The following EYS variants were observed in gnomAD, a reference collection of about 807,000 sequenced individuals.
EYS encodes the protein EGF-like photoreceptor maintenance factor.
A neutral mutation model predicts 282.1 loss-of-function variants in EYS; 250 were observed. The observed-to-expected ratio is 0.89, with a 90% CI of 0.80 to 0.98. The LOEUF (loss-of-function observed/expected upper bound fraction) is 0.98, where lower values mean the gene tolerates loss of function less well. Among genes scored for constraint, EYS ranks in the 50% least tolerant of loss-of-function variants. The probability of loss-of-function intolerance (pLI) is 0.00; values close to 1 mark genes in which losing one functional copy is unlikely to be tolerated. For synonymous variants in EYS, 1,355 were observed against 1,282.9 expected (o/e 1.06, Z -1.20); for missense variants, 4,016 against 3,709.0 (o/e 1.08, Z -2.15).
chr6:64,836,653 G>A (rs1288801116), intron 19 of EYS, among the ~76,000 whole-genome samples: 5 of 151,410 alleles, frequency 3.3e-5, no homozygotes, highest in East Asian at 1.9e-4. Flanking sequence ...ATCCAGTAGC[G>A]ATGAACATGC....
chr6:65,530,490 T>G (rs994817554), intron 2 of EYS, among the ~76,000 whole-genome samples: 1 of 152,166 alleles, frequency 6.6e-6, no homozygotes, highest in African/African-American at 2.4e-5. Flanking sequence ...GTCTAAAATA[T>G]CTATCTAGAC....
chr6:64,867,412 G>A (rs1404070399), intron 19 of EYS, among the ~76,000 whole-genome samples: 1 of 151,622 alleles, frequency 6.6e-6, no homozygotes, highest in Non-Finnish European at 1.5e-5. Context: ...AATGACAAAT[G>A]CCTTCAAATT....
chr6:63,752,343 GC>G (rs1769357747), intron 41 of EYS, among the ~76,000 whole-genome samples: 1 of 151,356 alleles, frequency 6.6e-6, no homozygotes, highest in African/African-American at 2.4e-5. Context: ...TATTAACTTA[GC>G]TTATGACAAT....
In EYS at chr6:65,353,614, C is replaced by G. The variant is rs748235223; in HGVS notation, c.1303G>C (p.Val435Leu). ...CFNIIGRFKY[V>L]CIPGCTKNPC... Reference sequence around the variant, plus strand: ...TTTTTTGTGCACCCTGGAATGCATACATACTGCAAAAAGGAAACAAGGAAA... The same window carrying G: ...TTTTTTGTGCACCCTGGAATGCATAGATACTGCAAAAAGGAAACAAGGAAA... Residue 435 changes from valine (V) to leucine (L), a missense_variant, in exon 9 of 43, where the codon GTA becomes CTA. Transcript: ENST00000503581. The G allele has an allele frequency of 2.5e-6, 4 of 1,611,668 alleles. No homozygotes were observed. The Admixed American group carries it at 6.7e-5, about 27-fold the overall frequency.
chr6:64,362,582 G>T (rs1216987270), intron 29 of EYS, among the ~76,000 whole-genome samples: 2 of 151,570 alleles, frequency 1.3e-5, no homozygotes, highest in Admixed American at 1.3e-4. Flanking sequence ...AAGATACAAG[G>T]TTCTGATTTT....
At chr6:64,202,739 T>A (rs1405437397) in intron 31 of EYS, among the ~76,000 whole-genome samples, 1 of 152,112 alleles carries the variant, frequency 6.6e-6, no homozygotes, top group Non-Finnish European at 1.5e-5. Context: ...CTAAGTCCAA[T>A]AAGTATCCTT....
At chr6:64,645,824 A>C (rs1768332711) in intron 22 of EYS, among the ~76,000 whole-genome samples, 1 of 152,178 alleles carries the variant, frequency 6.6e-6, no homozygotes, top group African/African-American at 2.4e-5. Flanking sequence ...CTGAAAAATT[A>C]AATTTACATT....
chr6:64,077,052 A>T (rs1429525716), intron 32 of EYS, among the ~76,000 whole-genome samples: 1 of 152,006 alleles, frequency 6.6e-6, no homozygotes, highest in African/African-American at 2.4e-5. Flanking sequence ...GTCATAAAAA[A>T]GATGAAATAC....
At chr6:64,941,271 C>T (rs1769081401) in intron 15 of EYS, among the ~76,000 whole-genome samples, 2 of 151,858 alleles carry the variant, frequency 1.3e-5, no homozygotes, top group South Asian at 4.1e-4. Flanking sequence ...ATCCTAGCTA[C>T]TCGGAGGCTG....
At chr6:65,564,974 G>A (rs139800047) in intron 2 of EYS, among the ~76,000 whole-genome samples, 1,712 of 61,068 alleles carry the variant, frequency 0.028, 692 homozygotes, top group Non-Finnish European at 0.035. Context: ...GGCCGGGCGC[G>A]GTGGCTCACG....
At chr6:63,883,548 A>C (rs1372285858) in intron 35 of EYS, among the ~76,000 whole-genome samples, 7 of 152,168 alleles carry the variant, frequency 4.6e-5, no homozygotes, top group Admixed American at 6.5e-5. Flanking sequence ...TCTGTAGGCT[A>C]CTCAGGATGT....
rs532869492 is a variant in EYS, at chr6:64,093,850, C to T, written c.6425-11848G>A. On this transcript the variant is annotated intron_variant, in intron 31 of 42. Transcript: ENST00000503581. ...CTTGTGCCGGTTTTCAAAGGGAATG[C>T]TTCCAGTTTTTGCCCAGTCAGTGTG... is the stretch of plus-strand genomic sequence containing the variant. Among the ~76,000 whole-genome samples the T allele has an allele frequency of 2.7e-3, 412 of 152,260 alleles. 3 individuals are homozygous for T. Among genetic ancestry groups the T allele is most frequent in the African/African-American group, 9.4e-3 (392 of 41,544 alleles).
At chr6:64,942,735 C>T (rs184054695) in intron 15 of EYS, among the ~76,000 whole-genome samples, 1 of 150,418 alleles carries the variant, frequency 6.6e-6, no homozygotes, top group East Asian at 2.0e-4. Flanking sequence ...AAACAACCTA[C>T]CAACTAAATA....
intron 22 of EYS, among the ~76,000 whole-genome samples, chr6:64,670,080 A>G (rs1167641018): frequency 6.6e-6 from 1 of 152,114 alleles, no homozygotes; most frequent in Non-Finnish European, 1.5e-5. Flanking sequence ...TATAATCACC[A>G]TAGAGATAAT....
intron 35 of EYS, among the ~76,000 whole-genome samples, chr6:63,890,563 CTG>C (rs1304425735): frequency 2.6e-5 from 4 of 152,136 alleles, no homozygotes; most frequent in African/African-American, 4.8e-5. Context: ...TAAAGACACA[CTG>C]TACCAGAATC....
intron 31 of EYS, among the ~76,000 whole-genome samples, chr6:64,173,366 A>G (rs115349521): frequency 1.4e-3 from 206 of 152,328 alleles, no homozygotes; most frequent in South Asian, 3.7e-3. Context: ...GCATTCATTT[A>G]GAGGGTATTA....
chr6:64,601,331 C>T lies in EYS; in HGVS notation c.3685-8022G>A, dbSNP rs117194643. On this transcript the variant is annotated intron_variant, in intron 24 of 42. Transcript: ENST00000503581. ...ATTTAGAATCATTATTTAAATATCT[C>T]ATGGGTACCTTAAACATAACATGTA... Among the ~76,000 whole-genome samples, 1,020 of 152,180 alleles carry T rather than the reference C, an allele frequency of 6.7e-3. 24 individuals carry two copies. The highest frequency in any genetic ancestry group is 0.059 in the East Asian group (303 of 5,164).
chr6:65,271,339 A>G (rs1375608179), intron 12 of EYS, among the ~76,000 whole-genome samples: 1 of 150,908 alleles, frequency 6.6e-6, no homozygotes, highest in East Asian at 2.0e-4. Context: ...ATGGCAAAAG[A>G]TCGATGTCTC....
intron 22 of EYS, among the ~76,000 whole-genome samples, chr6:64,748,059 G>C (rs992755516): frequency 6.6e-6 from 1 of 152,140 alleles, no homozygotes; most frequent in African/African-American, 2.4e-5. Flanking sequence ...ATACAGTACT[G>C]CTAAGAGTGT....
Sources: gnomAD v4.1 joint callset for allele counts (sites outside exome capture counted in the v4.1 genomes callset) on GRCh38, gnomAD v4.1.1 for gene constraint, MANE v1.5 for transcripts, NCBI Gene and HGNC (gene_info 2026-07-23, HGNC 2026-07-21) for gene names.